DSCAML1: variants seen among roughly 807,000 people sequenced by gnomAD.
DSCAML1 encodes the protein DS cell adhesion molecule like 1.
A neutral mutation model predicts 200.5 loss-of-function variants in DSCAML1; 38 were observed. The observed-to-expected ratio is 0.19, with a 90% CI of 0.15 to 0.25. The LOEUF is 0.25. Ranked by LOEUF, DSCAML1 falls within the 10% of genes least tolerant of loss-of-function variation. The pLI is 1.00. For missense variants in DSCAML1, 2,223 were observed against 2,858.8 expected (o/e 0.78, Z 5.07); for synonymous variants, 1,215 against 1,165.0 (o/e 1.04, Z -0.87).
intron 1 of DSCAML1, among the ~76,000 whole-genome samples, chr11:117,786,917 T>G (rs1201394139): frequency 2.0e-5 from 3 of 152,058 alleles, no homozygotes; most frequent in African/African-American, 7.3e-5. Flanking sequence ...GGAGAGGTCA[T>G]GGGTCTTCAG....
chr11:117,640,453 C>T (rs750013618), intron 3 of DSCAML1, among the ~76,000 whole-genome samples: 10 of 152,176 alleles, frequency 6.6e-5, no homozygotes, highest in African/African-American at 1.2e-4. Context: ...ACTTGTGCTA[C>T]GTCATACAGA....
At chr11:117,760,103 T>C (rs1298000100) in intron 3 of DSCAML1, among the ~76,000 whole-genome samples, 1 of 152,132 alleles carries the variant, frequency 6.6e-6, no homozygotes, top group Non-Finnish European at 1.5e-5. Flanking sequence ...AGCCCTAGAT[T>C]ATCATAGTGG....
At chr11:117,590,104 G>T (rs984813669) in intron 3 of DSCAML1, among the ~76,000 whole-genome samples, 9 of 151,898 alleles carry the variant, frequency 5.9e-5, no homozygotes, top group Admixed American at 2.0e-4. Context: ...AACTTTTTTG[G>T]CTGTCCTCAC....
chr11:117,654,287 T>C (rs567591021), intron 3 of DSCAML1, among the ~76,000 whole-genome samples: 3 of 152,222 alleles, frequency 2.0e-5, no homozygotes, highest in Non-Finnish European at 2.9e-5. Context: ...TGGTTGCACA[T>C]ATCTGTGAGT....
chr11:117,559,120 A>AGAAAAAC (rs2050611902), intron 3 of DSCAML1, among the ~76,000 whole-genome samples: 1 of 144,118 alleles, frequency 6.9e-6, no homozygotes, highest in African/African-American at 2.5e-5. Flanking sequence ...AAGAAAAAGA[A>AGAAAAAC]AGACAGAAAA....
intron 3 of DSCAML1, among the ~76,000 whole-genome samples, chr11:117,730,956 C>T (rs2054206709): frequency 6.6e-6 from 1 of 152,080 alleles, no homozygotes; most frequent in Non-Finnish European, 1.5e-5. Flanking sequence ...ATAGGTAAAA[C>T]TATACAGACA....
intron 3 of DSCAML1, among the ~76,000 whole-genome samples, chr11:117,624,266 G>GA (rs1417357778): frequency 3.9e-5 from 6 of 152,162 alleles, no homozygotes; most frequent in Admixed American, 2.0e-4. Context: ...GCAGAGCCAG[G>GA]AGGGGCCACC....
chr11:117,800,813 G>A (rs2055650379), upstream of DSCAML1: 1 of 152,074 alleles, frequency 6.6e-6, no homozygotes, highest in Admixed American at 6.5e-5. Flanking sequence ...GTATTATTTT[G>A]CCATGTTATA....
chr11:117,472,177 T>G (rs2048699897), intron 14 of DSCAML1, 141 bp from the exon 15 acceptor site: 1 of 883,778 alleles, frequency 1.1e-6, no homozygotes, highest in East Asian at 2.7e-5. Context: ...GGCACAGGCC[T>G]GAACAACTTC....
chr11:117,756,764 G>A (rs758155973), intron 3 of DSCAML1, among the ~76,000 whole-genome samples: 13 of 151,968 alleles, frequency 8.6e-5, no homozygotes, highest in Admixed American at 1.3e-4. Context: ...GAAACAGCAC[G>A]TTCAGACCAA....
At chr11:117,542,351 A>C (rs1396022267) in intron 3 of DSCAML1, among the ~76,000 whole-genome samples, 1 of 150,528 alleles carries the variant, frequency 6.6e-6, no homozygotes, top group African/African-American at 2.5e-5. Flanking sequence ...CAACAACAAC[A>C]ACAAAAAAAA....
chr11:117,521,103 C>G (rs1381488238), intron 6 of DSCAML1, 27 bp downstream of exon 6: 2 of 1,605,316 alleles, frequency 1.2e-6, no homozygotes. Flanking sequence ...CTGAACCCGC[C>G]CCCTGTGTCC....
At chr11:117,459,169 C>A (rs2048430739) in intron 18 of DSCAML1, among the ~76,000 whole-genome samples, 1 of 152,256 alleles carries the variant, frequency 6.6e-6, no homozygotes, top group Non-Finnish European at 1.5e-5. Context: ...GACCTTGCAC[C>A]AACTTCACCT....
chr11:117,795,588 G>C (rs2055556931), intron 1 of DSCAML1, among the ~76,000 whole-genome samples: 1 of 152,190 alleles, frequency 6.6e-6, no homozygotes, highest in Non-Finnish European at 1.5e-5. Flanking sequence ...CACTGGGCCT[G>C]AGAAACTCAA....
chr11:117,627,811 G>A (rs142744314), intron 3 of DSCAML1, among the ~76,000 whole-genome samples: 3 of 152,182 alleles, frequency 2.0e-5, no homozygotes, highest in East Asian at 1.9e-4. Context: ...CTCAGGCCCC[G>A]CTGCCCACAT....
chr11:117,798,347 C>T (rs143105339), upstream of DSCAML1, among the ~76,000 whole-genome samples: 179 of 152,282 alleles, frequency 1.2e-3, no homozygotes, highest in African/African-American at 4.0e-3. Flanking sequence ...TCGAAATGTG[C>T]GGCCTAAGTT....
chr11:117,658,779 C>T (rs1237874273), intron 3 of DSCAML1, among the ~76,000 whole-genome samples: 1 of 152,166 alleles, frequency 6.6e-6, no homozygotes, highest in East Asian at 1.9e-4. Flanking sequence ...ATGAACTAAC[C>T]CTACAAACAA....
At chr11:117,606,738 A>T (rs1269873646) in intron 3 of DSCAML1, among the ~76,000 whole-genome samples, 1 of 152,008 alleles carries the variant, frequency 6.6e-6, no homozygotes, top group Non-Finnish European at 1.5e-5. Context: ...GATCCCAATT[A>T]CCTCTGTTGC....
intron 14 of DSCAML1, among the ~76,000 whole-genome samples, chr11:117,474,854 G>A (rs868120343): frequency 1.3e-5 from 2 of 151,002 alleles, no homozygotes; most frequent in Admixed American, 6.6e-5. Flanking sequence ...TCCCGGGTTC[G>A]TGCCATTCTC....
Sources: gnomAD v4.1 joint callset for allele counts (sites outside exome capture counted in the v4.1 genomes callset) on GRCh38, gnomAD v4.1.1 for gene constraint, MANE v1.5 for transcripts, NCBI Gene and HGNC (gene_info 2026-07-23, HGNC 2026-07-21) for gene names.